The following SH3GL2 variants were observed in gnomAD, a reference collection of about 807,000 sequenced individuals.
SH3GL2 encodes SH3 domain containing GRB2 like 2, endophilin A1, also known as endophilin-A1.
In SH3GL2, 24 loss-of-function variants were observed where a neutral mutation model predicts 46.0. The ratio of observed to expected loss-of-function variants is 0.52; its 90% CI spans 0.38 to 0.73. The LOEUF (loss-of-function observed/expected upper bound fraction) is 0.73, where lower values mean the gene tolerates loss of function less well. SH3GL2 is among the 30% of genes least tolerant of loss of function. The pLI is 0.00. For synonymous variants in SH3GL2, 196 were observed against 147.1 expected (o/e 1.33, Z -2.40); for missense variants, 413 against 424.2 (o/e 0.97, Z 0.23).
chr9:17,704,628 C>A (rs1821423711), intron 1 of SH3GL2, among the ~76,000 whole-genome samples: 1 of 152,030 alleles, frequency 6.6e-6, no homozygotes, highest in South Asian at 2.1e-4. Flanking sequence ...AATAAAGCCA[C>A]ACACTTAACA....
chr9:17,745,860 C>A (rs564636111), intron 1 of SH3GL2, among the ~76,000 whole-genome samples: 41 of 152,250 alleles, frequency 2.7e-4, no homozygotes, highest in Admixed American at 2.4e-3. Flanking sequence ...AATGAAAAAC[C>A]ATACTTTGAT....
intron 1 of SH3GL2, among the ~76,000 whole-genome samples, chr9:17,688,947 G>A (rs1283192641): frequency 6.6e-6 from 1 of 152,048 alleles, no homozygotes. Flanking sequence ...TGCTCATAGA[G>A]ACTTCCTCTT....
intron 1 of SH3GL2, among the ~76,000 whole-genome samples, chr9:17,722,693 A>T (rs1195350505): frequency 6.6e-6 from 1 of 151,912 alleles, no homozygotes; most frequent in Non-Finnish European, 1.5e-5. Flanking sequence ...AGCTCATCGG[A>T]GTTTACATAC....
intron 1 of SH3GL2, among the ~76,000 whole-genome samples, chr9:17,664,575 T>TATCAATTTTTGATATGA (rs1820297661): frequency 6.6e-6 from 1 of 152,090 alleles, no homozygotes; most frequent in African/African-American, 2.4e-5. Context: ...AAGAAATTCA[T>TATCAATTTTTGATATGA]ATCAAACTTT....
At chr9:17,784,730 A>G (rs1489595947) in intron 3 of SH3GL2, among the ~76,000 whole-genome samples, 4 of 152,126 alleles carry the variant, frequency 2.6e-5, no homozygotes, top group South Asian at 4.2e-4. Flanking sequence ...TTCTCTTTTT[A>G]AAAAAGAGAC....
intron 1 of SH3GL2, among the ~76,000 whole-genome samples, chr9:17,705,444 A>G (rs1432606178): frequency 1.3e-5 from 2 of 151,962 alleles, no homozygotes; most frequent in South Asian, 2.1e-4. Context: ...ATGTATGCAT[A>G]TGTTCAGCAC....
chr9:17,678,120 C>T (rs192965283), intron 1 of SH3GL2, among the ~76,000 whole-genome samples: 42 of 152,242 alleles, frequency 2.8e-4, no homozygotes, highest in African/African-American at 9.9e-4. Context: ...TTTATAGCAG[C>T]ATGATTTATA....
chr9:17,786,607 G>A, intron 4 of SH3GL2, 83 bp downstream of exon 4: 1 of 1,418,298 alleles, frequency 7.1e-7, no homozygotes, highest in South Asian at 1.2e-5. Context: ...TAGGGAATCG[G>A]TCAAATCATT....
At chr9:17,681,648 G>C (rs997848060) in intron 1 of SH3GL2, among the ~76,000 whole-genome samples, 2 of 152,128 alleles carry the variant, frequency 1.3e-5, no homozygotes, top group African/African-American at 4.8e-5. Context: ...CATGGGAAAA[G>C]ACTTCATGAC....
chr9:17,586,609 G>T (rs536047710), intron 1 of SH3GL2, among the ~76,000 whole-genome samples: 288 of 152,268 alleles, frequency 1.9e-3, no homozygotes, highest in African/African-American at 6.7e-3. Flanking sequence ...GAAACTTACA[G>T]TCATGGCAGA....
intron 6 of SH3GL2, among the ~76,000 whole-genome samples, chr9:17,790,080 C>A (rs1306189166): frequency 6.6e-6 from 1 of 152,080 alleles, no homozygotes; most frequent in Non-Finnish European, 1.5e-5. Context: ...GGTGCAAGTC[C>A]CAGAGTCCAA....
intron 1 of SH3GL2, among the ~76,000 whole-genome samples, chr9:17,651,247 A>G (rs1204029789): frequency 6.6e-6 from 1 of 152,240 alleles, no homozygotes; most frequent in South Asian, 2.1e-4. Flanking sequence ...GCTTCCTCAA[A>G]TTCCTGATGG....
At chr9:17,661,487 G>A (rs530875352) in intron 1 of SH3GL2, among the ~76,000 whole-genome samples, 62 of 152,304 alleles carry the variant, frequency 4.1e-4, no homozygotes, top group Non-Finnish European at 8.8e-5. Flanking sequence ...AGGTAAAACA[G>A]AGCTAGGGTT....
intron 3 of SH3GL2, among the ~76,000 whole-genome samples, chr9:17,769,288 C>T (rs1823404182): frequency 6.6e-6 from 1 of 152,214 alleles, no homozygotes. Context: ...ATTGTTTGTA[C>T]ACTGCAAAGA....
rs1242748977 is a variant in SH3GL2, at chr9:17,793,473, C to T, written c.835C>T (p.His279Tyr). The T allele has an allele frequency of 6.2e-7, 1 of 1,613,054 alleles. No individual in the cohort carries two copies. The highest frequency in any genetic ancestry group is 8.5e-7 in the Non-Finnish European group (1 of 1,179,652). Residue 279 changes from histidine to tyrosine, a missense_variant, in exon 8 of 9, where the codon CAC (histidine) becomes TAC (tyrosine). By Grantham distance (83) the His-to-Tyr change is moderately conservative. Coordinates refer to ENST00000380607, the MANE Select transcript of SH3GL2 (RefSeq NM_003026.5). ...DSTQPNGGLS[H>Y]TGTPKPSGVQ... ...TACTCAGCCCAATGGGGGTCTCTCC[C>T]ACACAGGCACTCCCAAACCTTCAGG...
At chr9:17,645,024 A>G (rs1337741159) in intron 1 of SH3GL2, among the ~76,000 whole-genome samples, 2 of 152,038 alleles carry the variant, frequency 1.3e-5, no homozygotes, top group Admixed American at 6.6e-5. Flanking sequence ...GGGTGCATCT[A>G]TATTTAGGAT....
chr9:17,791,308 G>C lies in SH3GL2; in HGVS notation c.702G>C (p.Gln234His), dbSNP rs751024344. Residue 234 changes from glutamine (Q) to histidine (H), a missense_variant, in exon 7 of 9, where the codon CAG becomes CAC. Physicochemically the swap from Gln to His is conservative, Grantham distance 24 (BLOSUM62 0). Around this residue, in one of 3 missense-constraint regions of SH3GL2, gnomAD observed 248 missense variants for 215.0 expected, o/e 1.15. Coordinates refer to ENST00000380607, the MANE Select transcript of SH3GL2 (RefSeq NM_003026.5). ...EYHKQAVQIL[Q>H]QVTVRLEERI... is the part of the protein sequence containing the mutation. ...ACAAGCAGGCAGTCCAGATCCTGCA[G>C]CAAGTCACGGTCAGACTGGAAGAAA... The C allele has an allele frequency of 3.2e-5, 51 of 1,612,518 alleles. No individual in the cohort carries two copies. The highest frequency in any genetic ancestry group is 4.2e-5 in the Non-Finnish European group (50 of 1,178,672).
intron 1 of SH3GL2, among the ~76,000 whole-genome samples, chr9:17,582,210 T>A (rs958219785): frequency 3.9e-5 from 6 of 152,176 alleles, no homozygotes; most frequent in Admixed American, 6.5e-5. Flanking sequence ...GGTAAAAAAA[T>A]GCTTTTGCCA....
intron 1 of SH3GL2, among the ~76,000 whole-genome samples, chr9:17,713,520 G>C (rs1342307356): frequency 6.6e-6 from 1 of 151,268 alleles, no homozygotes; most frequent in Admixed American, 6.6e-5. Flanking sequence ...TTCTAACACA[G>C]ATGTTAGGTG....
Sources: allele counts gnomAD v4.1 joint callset (sites outside exome capture counted in the v4.1 genomes callset), GRCh38; gene constraint gnomAD v4.1.1; regional missense constraint gnomAD v4.1.1; transcripts MANE v1.5; gene names NCBI Gene and HGNC (gene_info 2026-07-23, HGNC 2026-07-21).